ELOVL5: variants seen among roughly 807,000 people sequenced by gnomAD.
ELOVL5 encodes the protein ELOVL fatty acid elongase 5, also known as very long chain fatty acid elongase 5.
ELOVL5 carries 8 observed loss-of-function variants against 38.6 expected under a neutral mutation model. That is an observed-to-expected ratio of 0.21 (90% CI 0.12 to 0.37). The LOEUF (loss-of-function observed/expected upper bound fraction) is 0.37, where lower values mean the gene tolerates loss of function less well. ELOVL5 is among the 10% of genes least tolerant of loss of function. The pLI, the probability that ELOVL5 is intolerant of heterozygous loss-of-function variation, is 1.00. For missense variants in ELOVL5, 280 were observed against 367.8 expected (o/e 0.76, Z 1.95); for synonymous variants, 127 against 133.7 (o/e 0.95, Z 0.34).
chr6:53,320,586 G>A (rs1323912924), intron 1 of ELOVL5, among the ~76,000 whole-genome samples: 1 of 151,954 alleles, frequency 6.6e-6, no homozygotes, highest in African/African-American at 2.4e-5. Flanking sequence ...GCCTCCCAAA[G>A]TGCTGGGATT....
At chr6:53,338,886 A>C (rs922289651) in intron 1 of ELOVL5, among the ~76,000 whole-genome samples, 1 of 152,258 alleles carries the variant, frequency 6.6e-6, no homozygotes, top group Non-Finnish European at 1.5e-5. Context: ...ATACAAAGGC[A>C]GTGATACCTT....
At chr6:53,309,850 T>C (rs1767757512) in intron 1 of ELOVL5, among the ~76,000 whole-genome samples, 1 of 152,338 alleles carries the variant, frequency 6.6e-6, no homozygotes, top group East Asian at 1.9e-4. Context: ...GCAGATCTTC[T>C]GGCCTGCTCA....
rs888603588 is a variant in ELOVL5, at chr6:53,309,466, G to A, written c.-8-13759C>T. Among the ~76,000 whole-genome samples the A allele has an allele frequency of 4.6e-5, 7 of 152,152 alleles. 1 individual carries two copies. Among genetic ancestry groups the A allele is most frequent in the Admixed American group, 2.0e-4 (3 of 15,282 alleles). On this transcript the variant is annotated intron_variant, in intron 1 of 7. Transcript: ENST00000304434. ...AACTGAGCTGCTTCCTATTATATTC[G>A]TTTCATTACCTAGACTACAGGACCT...
intron 1 of ELOVL5, among the ~76,000 whole-genome samples, chr6:53,308,781 A>G (rs1767705669): frequency 6.6e-6 from 1 of 150,774 alleles, no homozygotes. Context: ...CAGAGCCTAG[A>G]CTAGGATGAT....
chr6:53,269,455 T>C (rs1027778383), intron 7 of ELOVL5, among the ~76,000 whole-genome samples, 185 bp from the exon 8 acceptor site: 17 of 152,320 alleles, frequency 1.1e-4, no homozygotes, highest in African/African-American at 3.8e-4. Context: ...TCTTCCTTTT[T>C]TTTTTTGAGG....
chr6:53,313,631 G>A (rs547890042), intron 1 of ELOVL5, among the ~76,000 whole-genome samples: 13 of 152,196 alleles, frequency 8.5e-5, no homozygotes, highest in South Asian at 4.2e-4. Context: ...CAAAGTGCTG[G>A]GATTACAGGC....
At chr6:53,282,272 C>G (rs566391897) in intron 3 of ELOVL5, among the ~76,000 whole-genome samples, 1 of 152,262 alleles carries the variant, frequency 6.6e-6, no homozygotes, top group South Asian at 2.1e-4. Context: ...TACCCACTGA[C>G]GCCTGCTTTG....
At position 53,273,328 on chromosome 6, in the gene ELOVL5, T is replaced by C. The variant is rs553585093; in HGVS notation, c.513A>G (p.Thr171=). 1.1e-5 allele frequency: 17 copies of C among 1,613,206 alleles called. No homozygotes were observed. In the South Asian group the frequency reaches 1.8e-4, roughly 17 times the overall value. ...VPCGHSYFGA[T]LNSFIHVLMY... ...TGAGGACGTGGATGAAGCTATTAAG[T>C]GTGGCACCAAAATAAGCTGCAGGAA... The change falls in exon 6 of 8, where the codon ACA becomes ACG. Residue 171 remains threonine (T), a synonymous_variant. Coordinates refer to ENST00000304434, the MANE Select transcript of ELOVL5 (RefSeq NM_021814.5).
At position 53,297,098 on chromosome 6, in the gene ELOVL5, G is replaced by A. The variant is rs1445751868; in HGVS notation, c.-8-1391C>T. ...CAGCTTTCCTGCCCAAGGGTGATTG[G>A]GGAGGCTGCTGACACCAATTCATGG... On this transcript the variant is annotated intron_variant, in intron 1 of 7. Transcript: ENST00000304434. Among the ~76,000 whole-genome samples, 3 of 152,038 alleles carry A rather than the reference G, an allele frequency of 2.0e-5. No individual in the cohort carries two copies. The South Asian group carries it at 6.2e-4, about 32-fold the overall frequency.
At chr6:53,333,925 T>G (rs575408748) in intron 1 of ELOVL5, among the ~76,000 whole-genome samples, 27 of 152,132 alleles carry the variant, frequency 1.8e-4, no homozygotes, top group African/African-American at 6.0e-4. Flanking sequence ...CAGGGAGAGA[T>G]AAAACAACTA....
intron 1 of ELOVL5, among the ~76,000 whole-genome samples, chr6:53,304,024 A>G (rs180909256): frequency 5.9e-5 from 9 of 152,268 alleles, no homozygotes; most frequent in East Asian, 1.9e-4. Flanking sequence ...AGCAACTTCA[A>G]CTTTTACATG....
chr6:53,274,986 C>A, intron 5 of ELOVL5, 104 bp downstream of exon 5: 1 of 1,128,164 alleles, frequency 8.9e-7, no homozygotes, highest in Non-Finnish European at 1.3e-6. Flanking sequence ...AAGCTGAAAG[C>A]CTGACCTAGA....
Position 53,295,725 on chromosome 6 carries a change from G to C in ELOVL5, c.-8-18C>G, listed in dbSNP as rs1477065013. 4 of 1,428,250 alleles carry C rather than the reference G, an allele frequency of 2.8e-6. No individual in the cohort carries two copies. The highest frequency in any genetic ancestry group is 3.8e-6 in the Non-Finnish European group (4 of 1,041,576). 88.5% of individuals were successfully genotyped at this position (1,428,250 alleles called of 1,614,324 possible). ...TTGAAAACCTATTAAGAAAAAAAAA[G>C]ATACTGATTAATCTCTACTCAAAAT... On this transcript the variant is annotated intron_variant, in intron 1 of 7. Coordinates refer to ENST00000304434, the MANE Select transcript of ELOVL5 (RefSeq NM_021814.5).
chr6:53,334,768 C>T (rs1321701812), intron 1 of ELOVL5, among the ~76,000 whole-genome samples: 7 of 152,044 alleles, frequency 4.6e-5, no homozygotes, highest in Admixed American at 3.9e-4. Context: ...CCTGGTTTTT[C>T]CTTCCAACTC....
At chr6:53,294,845 G>A (rs897321905) in intron 2 of ELOVL5, among the ~76,000 whole-genome samples, 4 of 152,172 alleles carry the variant, frequency 2.6e-5, no homozygotes, top group Non-Finnish European at 4.4e-5. Flanking sequence ...CTAGCCACAG[G>A]ATAAAGTATT....
chr6:53,302,523 T>G (rs1767298980), intron 1 of ELOVL5, among the ~76,000 whole-genome samples: 1 of 152,090 alleles, frequency 6.6e-6, no homozygotes, highest in African/African-American at 2.4e-5. Context: ...GTGCAAATAT[T>G]AAGCATCTTG....
At chr6:53,284,580 T>C (rs1458339381) in intron 3 of ELOVL5, among the ~76,000 whole-genome samples, 1 of 152,094 alleles carries the variant, frequency 6.6e-6, no homozygotes, top group Non-Finnish European at 1.5e-5. Context: ...AAAACATATA[T>C]ACACAAAAAA....
chr6:53,339,073 T>C (rs1769208397), intron 1 of ELOVL5, among the ~76,000 whole-genome samples: 1 of 152,216 alleles, frequency 6.6e-6, no homozygotes, highest in South Asian at 2.1e-4. Context: ...ATAACTGTTG[T>C]TTGGGTGTGA....
At chr6:53,321,131 C>T (rs745866921) in intron 1 of ELOVL5, among the ~76,000 whole-genome samples, 6 of 152,188 alleles carry the variant, frequency 3.9e-5, no homozygotes, top group Non-Finnish European at 4.4e-5. Context: ...TTCTTCCTTA[C>T]GTAAGATGTT....
Sources: gnomAD v4.1 joint callset for allele counts (sites outside exome capture counted in the v4.1 genomes callset) on GRCh38, gnomAD v4.1.1 for gene constraint, MANE v1.5 for transcripts, NCBI Gene and HGNC (gene_info 2026-07-23, HGNC 2026-07-21) for gene names.